Variants in EPHB1 observed in about 807,000 individuals in gnomAD.
EPHB1 encodes ephrin type-B receptor 1.
EPHB1 carries 30 observed loss-of-function variants against 94.4 expected under a neutral mutation model. The ratio of observed to expected loss-of-function variants is 0.32; its 90% CI spans 0.24 to 0.43. EPHB1 has a LOEUF of 0.43. EPHB1 is among the 20% of genes least tolerant of loss of function. The pLI is 1.00. For missense variants in EPHB1, 1,055 were observed against 1,308.3 expected (o/e 0.81, Z 2.99); for synonymous variants, 522 against 489.1 (o/e 1.07, Z -0.89).
At chr3:135,150,241 G>A (rs1453015533) in intron 5 of EPHB1, among the ~76,000 whole-genome samples, 13 of 152,316 alleles carry the variant, frequency 8.5e-5, no homozygotes, top group South Asian at 2.1e-4. Flanking sequence ...TGAAACTGAC[G>A]TGATTCACAA....
At chr3:135,197,798 G>T (rs1272963523) in intron 11 of EPHB1, among the ~76,000 whole-genome samples, 2 of 151,894 alleles carry the variant, frequency 1.3e-5, no homozygotes, top group East Asian at 3.9e-4. Flanking sequence ...CTTTCCCAAA[G>T]TCACCAAGAA....
intron 9 of EPHB1, among the ~76,000 whole-genome samples, chr3:135,171,185 G>A (rs568710158): frequency 6.6e-6 from 1 of 152,222 alleles, no homozygotes; most frequent in East Asian, 1.9e-4. Context: ...AAAAATATGA[G>A]GACCTCGTCT....
At chr3:135,096,409 C>T (rs181075579) in intron 3 of EPHB1, among the ~76,000 whole-genome samples, 4 of 152,320 alleles carry the variant, frequency 2.6e-5, no homozygotes, top group Admixed American at 6.5e-5. Context: ...GCCTGGTTGG[C>T]TTGATAAAAT....
chr3:134,922,144 G>A (rs761521498), intron 1 of EPHB1, among the ~76,000 whole-genome samples: 14 of 152,212 alleles, frequency 9.2e-5, no homozygotes, highest in South Asian at 4.1e-4. Context: ...GTTGGTCCCC[G>A]TGCCACTGTC....
intron 4 of EPHB1, among the ~76,000 whole-genome samples, chr3:135,124,633 T>A (rs1041717900): frequency 5.3e-5 from 8 of 151,800 alleles, no homozygotes; most frequent in Non-Finnish European, 1.2e-4. Context: ...TTAGATAGGC[T>A]ATGCCAAAAT....
At chr3:135,017,316 A>C (rs574491458) in intron 3 of EPHB1, among the ~76,000 whole-genome samples, 1 of 152,228 alleles carries the variant, frequency 6.6e-6, no homozygotes, top group Admixed American at 6.5e-5. Context: ...GAAAACAAAC[A>C]AAAGAGAGAT....
At chr3:135,144,660 A>G (rs1055575494) in intron 5 of EPHB1, among the ~76,000 whole-genome samples, 27 of 151,564 alleles carry the variant, frequency 1.8e-4, no homozygotes, top group Admixed American at 1.6e-3. Flanking sequence ...GTCACCCCCC[A>G]CATTCCCCTT....
intron 3 of EPHB1, among the ~76,000 whole-genome samples, chr3:134,991,891 A>G (rs1934817070): frequency 6.6e-6 from 1 of 151,980 alleles, no homozygotes; most frequent in East Asian, 1.9e-4. Flanking sequence ...TCTGCTCCCC[A>G]TGGTAAGTAT....
intron 3 of EPHB1, among the ~76,000 whole-genome samples, chr3:135,072,073 G>A (rs1453200393): frequency 6.6e-6 from 1 of 152,100 alleles, no homozygotes; most frequent in African/African-American, 2.4e-5. Context: ...CAGATGAATG[G>A]CTTAAAAAAT....
At chr3:135,073,279 A>G (rs1937789920) in intron 3 of EPHB1, among the ~76,000 whole-genome samples, 2 of 152,180 alleles carry the variant, frequency 1.3e-5, no homozygotes, top group African/African-American at 2.4e-5. Context: ...GAATTATTTT[A>G]TTATCAAAAC....
intron 12 of EPHB1, among the ~76,000 whole-genome samples, chr3:135,239,347 C>T (rs1943726464): frequency 2.6e-5 from 4 of 151,944 alleles, no homozygotes; most frequent in Admixed American, 2.0e-4. Flanking sequence ...TTTTTGCTAA[C>T]GTCAACCATG....
At chr3:134,802,242 C>G (rs2035948290) in intron 1 of EPHB1, among the ~76,000 whole-genome samples, 1 of 151,554 alleles carries the variant, frequency 6.6e-6, no homozygotes, top group Non-Finnish European at 1.5e-5. Flanking sequence ...TGAGAACATC[C>G]TGGCTAACAC....
Position 134,878,115 on chromosome 3 carries a change from G to A in EPHB1, c.59-47701G>A, listed in dbSNP as rs538002617. On this transcript the variant is annotated intron_variant, in intron 1 of 15. Coordinates refer to ENST00000398015, the MANE Select transcript of EPHB1 (RefSeq NM_004441.5). ...AGGTTTTCCAACCCCAGCTGAGGACGGCCTTGGGTGCTGAGGCTGGAACTT... is the reference window on the plus strand; with the variant it reads ...AGGTTTTCCAACCCCAGCTGAGGACAGCCTTGGGTGCTGAGGCTGGAACTT... Among the ~76,000 whole-genome samples, 8 of 152,316 alleles carry A rather than the reference G, an allele frequency of 5.3e-5. 1 individual carries two copies. In the South Asian group the frequency reaches 1.0e-3, roughly 20 times the overall value.
chr3:135,112,098 A>G (rs1177085963), intron 4 of EPHB1, among the ~76,000 whole-genome samples: 2 of 152,244 alleles, frequency 1.3e-5, no homozygotes, highest in Non-Finnish European at 2.9e-5. Context: ...ACGTGGCTGG[A>G]GTGAGCTCAG....
At chr3:134,833,575 G>C (rs1169612731) in intron 1 of EPHB1, among the ~76,000 whole-genome samples, 2 of 152,238 alleles carry the variant, frequency 1.3e-5, no homozygotes, top group Non-Finnish European at 2.9e-5. Flanking sequence ...TCAGTCTCTT[G>C]GGAGATAAGA....
At chr3:135,049,915 A>C (rs1304429441) in intron 3 of EPHB1, among the ~76,000 whole-genome samples, 1 of 152,136 alleles carries the variant, frequency 6.6e-6, no homozygotes, top group African/African-American at 2.4e-5. Flanking sequence ...ATAGGGCAAA[A>C]GCTGGCTGGT....
chr3:134,853,854 A>G (rs998292123), intron 1 of EPHB1, among the ~76,000 whole-genome samples: 28 of 152,198 alleles, frequency 1.8e-4, no homozygotes, highest in African/African-American at 6.5e-4. Flanking sequence ...GGTTCCATAT[A>G]GGAGCAACTT....
chr3:134,797,306 T>G (rs955069842), intron 1 of EPHB1, among the ~76,000 whole-genome samples: 3 of 152,094 alleles, frequency 2.0e-5, no homozygotes, highest in African/African-American at 7.2e-5. Flanking sequence ...TTTGACTTAT[T>G]GAGAGACACG....
chr3:135,216,696 C>G (rs1943155600), intron 12 of EPHB1, among the ~76,000 whole-genome samples: 1 of 140,214 alleles, frequency 7.1e-6, no homozygotes, highest in Non-Finnish European at 1.5e-5. Context: ...GCACTCCAAC[C>G]TGGGCCACAG....
Sources: gnomAD v4.1 joint callset for allele counts (sites outside exome capture counted in the v4.1 genomes callset) on GRCh38, gnomAD v4.1.1 for gene constraint, MANE v1.5 for transcripts, NCBI Gene and HGNC (gene_info 2026-07-23, HGNC 2026-07-21) for gene names.